The following PKP2 variants were observed in gnomAD, a reference collection of about 807,000 sequenced individuals.
PKP2 encodes the protein plakophilin-2.
A neutral mutation model predicts 83.4 loss-of-function variants in PKP2; 73 were observed. That is an observed-to-expected ratio of 0.88 (90% CI 0.72 to 1.06). The LOEUF is 1.06. Ranked by LOEUF, PKP2 falls within the 50% of genes least tolerant of loss-of-function variation. PKP2 has a pLI of 0.00. For missense variants in PKP2, 966 were observed against 1,065.4 expected (o/e 0.91, Z 1.30); for synonymous variants, 409 against 430.4 (o/e 0.95, Z 0.62).
intron 4 of PKP2, among the ~76,000 whole-genome samples, chr12:32,858,933 C>T (rs954896357): frequency 5.3e-5 from 8 of 152,146 alleles, no homozygotes; most frequent in African/African-American, 1.9e-4. Flanking sequence ...ACTTGACTGA[C>T]CTGCAAGGCT....
chr12:32,816,997 C>CAG (rs1234292450), intron 9 of PKP2, among the ~76,000 whole-genome samples: 1 of 152,046 alleles, frequency 6.6e-6, no homozygotes, highest in East Asian at 1.9e-4. Context: ...AAACCTTTAC[C>CAG]AGATACATAC....
chr12:32,856,510 A>G (rs553832295), intron 4 of PKP2, among the ~76,000 whole-genome samples: 2 of 152,206 alleles, frequency 1.3e-5, no homozygotes, highest in South Asian at 4.2e-4. Context: ...AGGAAAAAAG[A>G]AGGTTCACCC....
intron 1 of PKP2, among the ~76,000 whole-genome samples, chr12:32,891,120 C>T (rs773369944): frequency 3.3e-5 from 5 of 152,204 alleles, no homozygotes; most frequent in Non-Finnish European, 7.3e-5. Flanking sequence ...TCTATTCCCA[C>T]TTGCATTGCT....
At chr12:32,807,666 T>C (rs1050567194) in intron 9 of PKP2, among the ~76,000 whole-genome samples, 15 of 152,194 alleles carry the variant, frequency 9.9e-5, no homozygotes, top group Non-Finnish European at 1.9e-4. Flanking sequence ...TGGCTGGTAA[T>C]GGTTTTTCCT....
chr12:32,825,621 G>T (rs1382869304), intron 6 of PKP2, among the ~76,000 whole-genome samples: 1 of 152,168 alleles, frequency 6.6e-6, no homozygotes. Context: ...AAATAATATA[G>T]GCCAGAAGCT....
chr12:32,807,350 C>A (rs966362814), intron 9 of PKP2, among the ~76,000 whole-genome samples: 7 of 151,994 alleles, frequency 4.6e-5, no homozygotes, highest in African/African-American at 1.7e-4. Context: ...GGATTGCAAC[C>A]CTTGCTTTTT....
intron 5 of PKP2, among the ~76,000 whole-genome samples, chr12:32,842,028 GA>G (rs1956597890): frequency 6.6e-6 from 1 of 152,180 alleles, no homozygotes; most frequent in Admixed American, 6.5e-5. Flanking sequence ...AAGAAACTGA[GA>G]TAATAGCATG....
intron 4 of PKP2, among the ~76,000 whole-genome samples, chr12:32,866,974 C>A (rs1461713208): frequency 1.3e-5 from 2 of 152,120 alleles, no homozygotes; most frequent in East Asian, 1.9e-4. Context: ...CCAAAAAAAT[C>A]TTATATTCTA....
intron 4 of PKP2, among the ~76,000 whole-genome samples, chr12:32,865,233 G>A (rs1319610709): frequency 6.6e-6 from 1 of 151,714 alleles, no homozygotes; most frequent in Non-Finnish European, 1.5e-5. Context: ...AAATTAGCCG[G>A]GTGTGGTGGC....
Position 32,791,759 on chromosome 12 carries a change from A to C in PKP2, c.*665T>G, listed in dbSNP as rs1956069128. 6.6e-6 allele frequency: 1 copy of C among 152,108 alleles called. No homozygotes were observed. The highest frequency in any genetic ancestry group is 1.9e-4 in the East Asian group (1 of 5,198). The allele number at this position is 152,108 out of a possible 1,614,324, so 9.4% of individuals were successfully genotyped here. ...TTATTTTACTTTAAGTTCTGGGAGG[A>C]AAAGACTTCTTTAATTTGCTATGAT... On this transcript the variant is annotated 3_prime_UTR_variant, in exon 13 of 13. Coordinates refer to ENST00000340811, the MANE Select transcript of PKP2 (RefSeq NM_001005242.3).
rs1182356821 is a variant in PKP2 at position 32,797,605 on chromosome 12, G to GA, written c.2168-1308dup. 2.8e-5 allele frequency among the ~76,000 whole-genome samples: 4 copies of GA among 144,228 alleles called. No individual in the cohort carries two copies. The East Asian group carries it at 9.2e-4, about 33-fold the overall frequency. 94.6% of individuals were successfully genotyped at this position (144,228 alleles called of 152,430 possible). On this transcript the variant is annotated intron_variant, in intron 10 of 12. Coordinates refer to ENST00000340811, the MANE Select transcript of PKP2 (RefSeq NM_001005242.3). ...GAGTCTTGCTCTGTCACCCAGGCTG[G>GA]AGTGCAGTGGCGCGATCTCGGCTCT...
Position 32,867,699 on chromosome 12 carries a change from T to A in PKP2, c.1170+1228A>T, listed in dbSNP as rs187583112. ...TTCATGTTTTAAAAAGGAAACTCAA[T>A]CAACTGTTTCAACAATTGTTTCTTC... On this transcript the variant is annotated intron_variant, in intron 4 of 12. Transcript: ENST00000340811. 6.6e-5 allele frequency among the ~76,000 whole-genome samples: 10 copies of A among 152,324 alleles called. No homozygotes were observed. In the East Asian group the frequency reaches 1.9e-3, roughly 29 times the overall value.
At chr12:32,792,824 A>C (rs1592724658) in intron 11 of PKP2, 93 bp from the exon 12 acceptor site, 1 of 961,326 alleles carries the variant, frequency 1.0e-6, no homozygotes, top group Non-Finnish European at 1.7e-6. Flanking sequence ...TCGCTCCTCA[A>C]CTGCTACTCC....
At chr12:32,838,070 A>C (rs562671644) in intron 6 of PKP2, among the ~76,000 whole-genome samples, 31 of 152,338 alleles carry the variant, frequency 2.0e-4, no homozygotes, top group African/African-American at 7.5e-4. Flanking sequence ...TAACAAAGAC[A>C]TGGCTAGGTT....
Position 32,846,745 on chromosome 12 carries a change from CAAA to C in PKP2, c.1378+4018_1378+4020del, listed in dbSNP as rs574053559. Among the ~76,000 whole-genome samples the C allele has an allele frequency of 1.7e-3, 127 of 74,876 alleles. 1 individual carries two copies. The highest frequency in any genetic ancestry group is 6.9e-3 in the African/African-American group (122 of 17,732). 49.1% of individuals were successfully genotyped at this position (74,876 alleles called of 152,430 possible). A position where few individuals can be genotyped will look rare whatever the true frequency, so the allele number is the denominator to read the frequency against. On this transcript the variant is annotated intron_variant, in intron 5 of 12. Transcript: ENST00000340811. ...GGGTAACAAGAATGAAACTTCTTCT[CAAA>C]AAAAAAAAAAAAAAAGAAGAGAGAG...
At chr12:32,877,785 A>T in intron 3 of PKP2, 61 bp downstream of exon 3, 1 of 1,219,938 alleles carries the variant, frequency 8.2e-7, no homozygotes, top group Non-Finnish European at 1.2e-6. Context: ...TCATGCTGTC[A>T]GGGCTGTGGG....
At chr12:32,856,925 A>G (rs571811640) in intron 4 of PKP2, among the ~76,000 whole-genome samples, 1 of 152,254 alleles carries the variant, frequency 6.6e-6, no homozygotes, top group East Asian at 1.9e-4. Flanking sequence ...TTGGTAGGAG[A>G]ACTATTTCTA....
intron 9 of PKP2, 160 bp downstream of exon 9, chr12:32,821,196 T>C (rs544759448): frequency 4.5e-6 from 3 of 673,802 alleles, no homozygotes; most frequent in Non-Finnish European, 7.7e-6. Context: ...GACTTGACTT[T>C]GCATAAGCTG....
chr12:32,885,667 C>A (rs542178820), intron 1 of PKP2, among the ~76,000 whole-genome samples: 76 of 150,908 alleles, frequency 5.0e-4, no homozygotes, highest in Admixed American at 4.6e-4. Flanking sequence ...CCGTCCCCCC[C>A]CCAAAAAAAA....
Sources: allele counts gnomAD v4.1 joint callset (sites outside exome capture counted in the v4.1 genomes callset), GRCh38; gene constraint gnomAD v4.1.1; transcripts MANE v1.5; gene names NCBI Gene and HGNC (gene_info 2026-07-23, HGNC 2026-07-21).